Variants in IGFL2 observed in about 807,000 individuals in gnomAD.
The protein encoded by IGFL2 is IGF like family member 2.
A neutral mutation model predicts 13.9 loss-of-function variants in IGFL2; 7 were observed. That is an observed-to-expected ratio of 0.51 (90% CI 0.29 to 0.95). IGFL2 has a LOEUF of 0.95. Among genes scored for constraint, IGFL2 ranks in the 40% least tolerant of loss-of-function variants. The probability of loss-of-function intolerance (pLI) is 0.08; values close to 1 mark genes in which losing one functional copy is unlikely to be tolerated. For synonymous variants in IGFL2, 55 were observed against 55.8 expected (o/e 0.99, Z 0.07); for missense variants, 138 against 147.8 (o/e 0.93, Z 0.34).
chr19:46,189,892 C>T, the IGFL2 span: 1 of 152,040 alleles, frequency 6.6e-6, no homozygotes, highest in Non-Finnish European at 1.5e-5. Flanking sequence ...AGCTTGTGCC[C>T]TCGGTCTCTT....
the IGFL2 span, chr19:46,212,512 CTGT>C: frequency 5.9e-5 from 9 of 152,334 alleles, no homozygotes; most frequent in Admixed American, 5.9e-4. Context: ...TTCTTCCCCT[CTGT>C]TTTTTCGTCC....
At chr19:46,090,409 A>G in the IGFL2 span, among the ~76,000 whole-genome samples, 1 of 152,086 alleles carries the variant, frequency 6.6e-6, no homozygotes, top group African/African-American at 2.4e-5. Context: ...CTAATGTCAT[A>G]TTTCTCTGAT....
the IGFL2 span, chr19:46,137,402 G>T: frequency 9.6e-7 from 1 of 1,044,878 alleles, no homozygotes; most frequent in Non-Finnish European, 1.5e-6. Flanking sequence ...GGACAACAGT[G>T]CTTTTTCTTG....
the IGFL2 span, among the ~76,000 whole-genome samples, chr19:46,166,920 C>T: frequency 6.6e-6 from 1 of 152,156 alleles, no homozygotes; most frequent in Non-Finnish European, 1.5e-5. Flanking sequence ...TGCTCAAACA[C>T]ACATGCTTTA....
At chr19:46,117,131 T>A in the IGFL2 span, among the ~76,000 whole-genome samples, 1 of 152,214 alleles carries the variant, frequency 6.6e-6, no homozygotes, top group African/African-American at 2.4e-5. Flanking sequence ...TATTTATTTT[T>A]AAAATAATTT....
intron 2 of IGFL2, 33 bp downstream of exon 2, chr19:46,160,501 A>G (rs200499149): frequency 6.2e-7 from 1 of 1,613,366 alleles, no homozygotes; most frequent in African/African-American, 1.3e-5. Flanking sequence ...GTGAAGAGGA[A>G]GGAGGCTGAC....
At chr19:46,193,054 C>A in the IGFL2 span, among the ~76,000 whole-genome samples, 2 of 151,866 alleles carry the variant, frequency 1.3e-5, no homozygotes, top group Non-Finnish European at 2.9e-5. Flanking sequence ...TAGCCGGGTG[C>A]TGTGGCATGT....
chr19:46,155,254 A>T (rs1973754409), intron 1 of IGFL2, among the ~76,000 whole-genome samples: 1 of 152,214 alleles, frequency 6.6e-6, no homozygotes, highest in African/African-American at 2.4e-5. Context: ...AGACAGTAGG[A>T]TAAAAGATGC....
the IGFL2 span, among the ~76,000 whole-genome samples, chr19:46,126,669 T>C: frequency 1.3e-5 from 2 of 152,216 alleles, no homozygotes; most frequent in African/African-American, 4.8e-5. Context: ...TACGTCATCG[T>C]CTTCTATTAA....
chr19:46,149,301 CT>C (rs1197736248), intron 1 of IGFL2, among the ~76,000 whole-genome samples: 1 of 121,814 alleles, frequency 8.2e-6, no homozygotes, highest in Non-Finnish European at 1.8e-5. Context: ...CCCTCTTCCC[CT>C]CTCCCCCTCC....
chr19:46,118,171 C>T, the IGFL2 span, among the ~76,000 whole-genome samples: 5 of 151,978 alleles, frequency 3.3e-5, no homozygotes, highest in South Asian at 2.1e-4. Flanking sequence ...ATTAAACCAC[C>T]GATAGTCTAG....
the IGFL2 span, among the ~76,000 whole-genome samples, chr19:46,109,160 A>G: frequency 2.6e-5 from 4 of 152,196 alleles, no homozygotes; most frequent in African/African-American, 7.2e-5. Flanking sequence ...ACCTGGGTAC[A>G]GGTGGGCTGA....
At chr19:46,151,289 C>G (rs1973473999) in intron 1 of IGFL2, among the ~76,000 whole-genome samples, 1 of 152,162 alleles carries the variant, frequency 6.6e-6, no homozygotes, top group Non-Finnish European at 1.5e-5. Context: ...AGGAAGAGAT[C>G]CTCTTTCTGC....
chr19:46,098,962 G>C, the IGFL2 span, among the ~76,000 whole-genome samples: 1 of 152,174 alleles, frequency 6.6e-6, no homozygotes, highest in Non-Finnish European at 1.5e-5. Context: ...GCTGATAGTG[G>C]TTTTTCCTTT....
chr19:46,151,288 T>G (rs1469507078), intron 1 of IGFL2, among the ~76,000 whole-genome samples: 1 of 152,214 alleles, frequency 6.6e-6, no homozygotes, highest in Non-Finnish European at 1.5e-5. Flanking sequence ...GAGGAAGAGA[T>G]CCTCTTTCTG....
At chr19:46,174,168 A>G in the IGFL2 span, 5 of 152,274 alleles carry the variant, frequency 3.3e-5, no homozygotes, top group African/African-American at 9.6e-5. Flanking sequence ...CCAGAAAAGC[A>G]CAAGTGAGCT....
the IGFL2 span, among the ~76,000 whole-genome samples, chr19:46,193,450 A>C: frequency 7.9e-5 from 12 of 152,254 alleles, no homozygotes; most frequent in South Asian, 2.5e-3. Flanking sequence ...TCGTAAAATA[A>C]AACCTTTATT....
chr19:46,123,562 T>A, the IGFL2 span, among the ~76,000 whole-genome samples: 3 of 150,838 alleles, frequency 2.0e-5, no homozygotes, highest in South Asian at 6.3e-4. Context: ...AAAACATCTT[T>A]GTCTTCCTGA....
the IGFL2 span, among the ~76,000 whole-genome samples, chr19:46,132,960 C>T: frequency 2.0e-4 from 31 of 151,870 alleles, no homozygotes; most frequent in Non-Finnish European, 4.1e-4. Context: ...GACAAGGCAC[C>T]CTAAGTGACA....
Sources: allele counts gnomAD v4.1 joint callset (sites outside exome capture counted in the v4.1 genomes callset), GRCh38; gene constraint gnomAD v4.1.1; transcripts MANE v1.5; gene names NCBI Gene and HGNC (gene_info 2026-07-23, HGNC 2026-07-21).